The following SAP130 variants were observed in gnomAD, a reference collection of about 807,000 sequenced individuals.
The protein encoded by SAP130 is histone deacetylase complex subunit SAP130.
Under a neutral mutation model 103.2 loss-of-function variants are expected in SAP130, and 16 were observed. The observed-to-expected ratio is 0.16, with a 90% CI of 0.10 to 0.24. The LOEUF is 0.24. Ranked by LOEUF, SAP130 falls within the 10% of genes least tolerant of loss-of-function variation. The pLI is 1.00. For missense variants in SAP130, 990 were observed against 1,359.7 expected (o/e 0.73, Z 4.28); for synonymous variants, 477 against 497.0 (o/e 0.96, Z 0.53).
At position 127,955,659 on chromosome 2, in the gene SAP130, G is replaced by T. The variant is rs150711069; in HGVS notation, c.2064-315C>A. On this transcript the variant is annotated intron_variant, in intron 15 of 20. Coordinates refer to ENST00000643581, the MANE Select transcript of SAP130 (RefSeq NM_001330301.2). The surrounding 1 kb of genome is among the most constrained non-coding windows in gnomAD (Gnocchi z 4.9). The stretch of plus-strand genomic sequence containing the variant: ...GTGCCACCATGCCAGGCTAATTTTT[G>T]TATTTTTTTGTGGAGATGGGGTTTC... 1.6e-4 allele frequency among the ~76,000 whole-genome samples: 25 copies of T among 151,968 alleles called. No homozygotes were observed. In the East Asian group the frequency reaches 4.9e-3, roughly 30 times the overall value.
intron 14 of SAP130, among the ~76,000 whole-genome samples, chr2:127,978,940 T>C (rs1177976653): frequency 6.6e-6 from 1 of 152,228 alleles, no homozygotes; most frequent in African/African-American, 2.4e-5. Context: ...GTGCAGTCAG[T>C]TGAACTGAGT....
At position 127,950,368 on chromosome 2, in the gene SAP130, A is replaced by G. The variant is rs139420785; in HGVS notation, c.2463T>C (p.Leu821=). Residue 821 remains leucine, a synonymous_variant, in exon 17 of 21, where the codon CTT becomes CTC. Transcript: ENST00000643581. ...PLATNTVSPS[L]ALLANNLSMP... is the part of the protein sequence containing the mutation. ...TGGACAAGTTGTTTGCCAGCAATGC[A>G]AGAGATGGAGACACAGTGTTGGTAG... The G allele has an allele frequency of 7.4e-6, 12 of 1,614,096 alleles. No homozygotes were observed. In the African/African-American group the frequency reaches 1.5e-4, roughly 20 times the overall value.
At chr2:127,970,069 A>G (rs1680960680) in intron 15 of SAP130, among the ~76,000 whole-genome samples, 1 of 151,254 alleles carries the variant, frequency 6.6e-6, no homozygotes, top group Non-Finnish European at 1.5e-5. Context: ...CTCTACTAAA[A>G]ATACAAAAAT....
chr2:128,008,960 C>T (rs1282786253), intron 7 of SAP130, among the ~76,000 whole-genome samples: 1 of 152,092 alleles, frequency 6.6e-6, no homozygotes, highest in East Asian at 1.9e-4. Context: ...GCTGAGATTA[C>T]ATGCATGAGC....
intron 12 of SAP130, among the ~76,000 whole-genome samples, chr2:127,990,091 A>G (rs551485297): frequency 2.6e-5 from 4 of 152,324 alleles, no homozygotes; most frequent in Admixed American, 6.5e-5. Context: ...ACAGACTACT[A>G]GAAATATGAT....
At chr2:128,024,248 G>A (rs1685344473) in intron 2 of SAP130, among the ~76,000 whole-genome samples, 1 of 152,052 alleles carries the variant, frequency 6.6e-6, no homozygotes, top group African/African-American at 2.4e-5. Flanking sequence ...GGAGGCCTAG[G>A]CGGGAGGATT....
intron 15 of SAP130, among the ~76,000 whole-genome samples, chr2:127,960,485 G>C (rs536522662): frequency 6.6e-6 from 1 of 152,164 alleles, no homozygotes; most frequent in Non-Finnish European, 1.5e-5. Flanking sequence ...GTTTGAAGAT[G>C]AACTAGTGAT....
chr2:127,989,927 A>G lies in SAP130; in HGVS notation c.1478-61T>C. 2 of 1,486,648 alleles carry G rather than the reference A, an allele frequency of 1.3e-6. No homozygotes were observed. Among genetic ancestry groups the G allele is most frequent in the Non-Finnish European group, 1.8e-6 (2 of 1,093,760 alleles). The allele number at this position is 1,486,648 out of a possible 1,614,324, so 92.1% of individuals were successfully genotyped here. A position where few individuals can be genotyped will look rare whatever the true frequency, so the allele number is the denominator to read the frequency against. On this transcript the variant is annotated intron_variant, in intron 12 of 20. Transcript: ENST00000643581. The surrounding 1 kb of genome is among the most constrained non-coding windows in gnomAD (Gnocchi z 4.6). ...AGCTTCATTTCACACAGTCCACATA[A>G]AGAGAGAAACACTAAAAACGGATTT...
intron 15 of SAP130, among the ~76,000 whole-genome samples, chr2:127,968,860 T>G (rs1680868065): frequency 6.6e-6 from 1 of 152,132 alleles, no homozygotes; most frequent in Non-Finnish European, 1.5e-5. Flanking sequence ...TCCATTACTT[T>G]CTTACGTCTA....
chr2:128,012,131 C>T (rs1219027651), intron 6 of SAP130, among the ~76,000 whole-genome samples: 2 of 152,126 alleles, frequency 1.3e-5, no homozygotes, highest in Non-Finnish European at 2.9e-5. Context: ...CATCTTTCAA[C>T]AGTATTACTT....
At chr2:127,979,284 C>T (rs895152164) in intron 14 of SAP130, among the ~76,000 whole-genome samples, 3 of 152,104 alleles carry the variant, frequency 2.0e-5, no homozygotes, top group African/African-American at 4.8e-5. Flanking sequence ...TGAGAACCTC[C>T]GGGGGAACTG....
Position 127,942,197 on chromosome 2 carries a change from G to A in SAP130, c.3016-33C>T, listed in dbSNP as rs750715157. 1.3e-6 allele frequency: 2 copies of A among 1,561,668 alleles called. No homozygotes were observed. The highest frequency in any genetic ancestry group is 1.2e-5 in the South Asian group (1 of 82,990). On this transcript the variant is annotated intron_variant, in intron 20 of 20. Transcript: ENST00000643581. The surrounding 1 kb of genome is among the most constrained non-coding windows in gnomAD (Gnocchi z 4.8). ...AGAAGACATTGCATCATCAATCAGT[G>A]ACCATGAGGATAGTACAGCTTTTAA...
At chr2:127,951,148 A>T (rs1679469478) in intron 16 of SAP130, among the ~76,000 whole-genome samples, 1 of 152,218 alleles carries the variant, frequency 6.6e-6, no homozygotes, top group Non-Finnish European at 1.5e-5. Context: ...GCAAGCTGGG[A>T]TTGACAGAGG....
At chr2:127,944,782 G>A (rs1305963262) in intron 19 of SAP130, among the ~76,000 whole-genome samples, 1 of 151,784 alleles carries the variant, frequency 6.6e-6, no homozygotes, top group African/African-American at 2.4e-5. Flanking sequence ...TGCAGTCCCA[G>A]CTGTTTGGGG....
chr2:128,018,870 T>C (rs1487343869), intron 2 of SAP130, among the ~76,000 whole-genome samples: 1 of 149,946 alleles, frequency 6.7e-6, no homozygotes, highest in African/African-American at 2.5e-5. Flanking sequence ...CCAAGGCAGG[T>C]GGATCATTTG....
intron 12 of SAP130, among the ~76,000 whole-genome samples, chr2:127,990,504 A>G (rs1238701265): frequency 6.6e-6 from 1 of 152,230 alleles, no homozygotes; most frequent in African/African-American, 2.4e-5. Flanking sequence ...TTGTTTTCAA[A>G]GCTATTTAAA....
intron 14 of SAP130, 28 bp from the exon 15 acceptor site, chr2:127,978,117 G>T: frequency 6.6e-7 from 1 of 1,514,556 alleles, no homozygotes; most frequent in Non-Finnish European, 9.0e-7. Flanking sequence ...CAAACCCGGA[G>T]AACAGCAGTC....
At chr2:127,952,565 C>T (rs529463196) in intron 16 of SAP130, among the ~76,000 whole-genome samples, 157 of 152,106 alleles carry the variant, frequency 1.0e-3, no homozygotes, top group African/African-American at 3.6e-3. Flanking sequence ...CTCTATCTCT[C>T]CTGGCTTTCT....
At chr2:128,015,509 A>T (rs1191419666) in intron 4 of SAP130, among the ~76,000 whole-genome samples, 3 of 152,210 alleles carry the variant, frequency 2.0e-5, no homozygotes, top group African/African-American at 7.2e-5. Context: ...TTTTTCTTGA[A>T]AATGTGAAGG....
Sources: allele counts gnomAD v4.1 joint callset (sites outside exome capture counted in the v4.1 genomes callset), GRCh38; gene constraint gnomAD v4.1.1; non-coding constraint Gnocchi (gnomAD v3.1); transcripts MANE v1.5; gene names NCBI Gene and HGNC (gene_info 2026-07-23, HGNC 2026-07-21).